SNX11: variants seen among roughly 807,000 people sequenced by gnomAD.
SNX11 encodes sorting nexin 11, also known as sorting nexin-11.
A neutral mutation model predicts 30.7 loss-of-function variants in SNX11; 19 were observed. The observed-to-expected ratio is 0.62, with a 90% CI of 0.43 to 0.91. The LOEUF (loss-of-function observed/expected upper bound fraction) is 0.91, where lower values mean the gene tolerates loss of function less well. SNX11 is among the 40% of genes least tolerant of loss of function. SNX11 has a pLI of 0.00. For synonymous variants in SNX11, 112 were observed against 119.0 expected, an observed-to-expected ratio of 0.94 and a Z score of 0.38; for missense variants, 302 against 326.7, an observed-to-expected ratio of 0.92 and a Z score of 0.58.
chr17:48,116,298 C>T (rs1290971498), intron 4 of SNX11, among the ~76,000 whole-genome samples: 1 of 152,096 alleles, frequency 6.6e-6, no homozygotes, highest in Non-Finnish European at 1.5e-5. Context: ...GCCTCAGCAG[C>T]CTCAAACGCC....
At chr17:48,111,099 A>G (rs982173920) in intron 1 of SNX11, 5 of 985,284 alleles carry the variant, frequency 5.1e-6, no homozygotes, top group Non-Finnish European at 6.0e-6. Flanking sequence ...GGACAGAAGT[A>G]CAAACCGGAT....
At chr17:48,113,663 A>C (rs2063514194) in intron 4 of SNX11, 1 of 365,008 alleles carries the variant, frequency 2.7e-6, no homozygotes, top group Admixed American at 4.3e-5. Context: ...CTCCCACCTC[A>C]GCTTCCCAAG....
At chr17:48,113,731 A>G (rs112903989) in intron 4 of SNX11, among the ~76,000 whole-genome samples, 25,347 of 151,578 alleles carry the variant, frequency 0.17, 2,177 homozygotes, top group Non-Finnish European at 0.18. Context: ...ATATTTTTGT[A>G]GAGATGGAGG....
intron 4 of SNX11, among the ~76,000 whole-genome samples, chr17:48,115,070 T>C (rs1034419065): frequency 1.6e-4 from 24 of 150,526 alleles, no homozygotes; most frequent in African/African-American, 5.1e-4. Context: ...TTTTCTTTTT[T>C]TTTTTTTTTG....
At chr17:48,120,563 G>T (rs1461625534) in intron 6 of SNX11, among the ~76,000 whole-genome samples, 1 of 134,680 alleles carries the variant, frequency 7.4e-6, no homozygotes, top group Non-Finnish European at 1.5e-5. Flanking sequence ...AGGCTGGAGT[G>T]CAGTGGCACG....
intron 1 of SNX11, among the ~76,000 whole-genome samples, chr17:48,110,126 GA>G (rs998524685): frequency 2.0e-5 from 3 of 148,800 alleles, no homozygotes; most frequent in East Asian, 3.9e-4. Context: ...AAAGAGAAGA[GA>G]AAAAAAAAAC....
chr17:48,116,250 G>A (rs555578415), intron 4 of SNX11, among the ~76,000 whole-genome samples: 4 of 152,160 alleles, frequency 2.6e-5, no homozygotes, highest in African/African-American at 9.6e-5. Context: ...GAGCGAGACT[G>A]TCTCAAAAAC....
At chr17:48,120,161 A>G (rs1416249233) in intron 6 of SNX11, among the ~76,000 whole-genome samples, 2 of 145,080 alleles carry the variant, frequency 1.4e-5, no homozygotes, top group African/African-American at 5.2e-5. Flanking sequence ...ATATGGTGCT[A>G]TATACCACAT....
In SNX11 at chr17:48,123,149, G is replaced by A. The variant is rs1211677027; in HGVS notation, c.*1641G>A. 1 of 152,196 alleles carries A rather than the reference G, an allele frequency of 6.6e-6. No individual in the cohort carries two copies. Among genetic ancestry groups the A allele is most frequent in the Non-Finnish European group, 1.5e-5 (1 of 68,042 alleles). The allele number at this position is 152,196 out of a possible 1,614,324, so 9.4% of individuals were successfully genotyped here. A position where few individuals can be genotyped will look rare whatever the true frequency, so the allele number is the denominator to read the frequency against. Reference sequence around the variant, plus strand: ...TCCTTTATATGATGCAGCAGAGCAAGGCGAGGATAGAAAACCTACAGAGGC... The same window carrying A: ...TCCTTTATATGATGCAGCAGAGCAAAGCGAGGATAGAAAACCTACAGAGGC... On this transcript the variant is annotated 3_prime_UTR_variant, in exon 7 of 7. Coordinates refer to ENST00000359238, the MANE Select transcript of SNX11 (RefSeq NM_013323.3).
intron 6 of SNX11, among the ~76,000 whole-genome samples, chr17:48,120,902 C>CT (rs1171049700): frequency 1.1e-4 from 9 of 82,740 alleles, no homozygotes; most frequent in Non-Finnish European, 2.5e-4. Flanking sequence ...CATGCCCAGC[C>CT]ATTTTTTTTT....
rs766048596 is a variant in SNX11, at chr17:48,112,067, G to A, written c.24G>A (p.Ser8=). Reference sequence around the variant, plus strand: ...CAATGGGCTTTTGGTGTAGGATGTCGGAGAACCAAGAACAGGAGGTAAGAG... The same window carrying A: ...CAATGGGCTTTTGGTGTAGGATGTCAGAGAACCAAGAACAGGAGGTAAGAG... The part of the protein sequence containing the change: MGFWCRM[S]ENQEQEEVIT... The change falls in exon 2 of 7, where the codon TCG becomes TCA. Residue 8 remains serine (S), a synonymous_variant. Coordinates refer to ENST00000359238, the MANE Select transcript of SNX11 (RefSeq NM_013323.3). 96 of 1,613,774 alleles carry A rather than the reference G, an allele frequency of 5.9e-5. 1 individual carries two copies. The South Asian group carries it at 7.8e-4, about 13-fold the overall frequency.
In SNX11 at chr17:48,116,820, C is replaced by T. The variant is rs2063550034; in HGVS notation, c.231-1884C>T. Among the ~76,000 whole-genome samples, 2 of 151,218 alleles carry T rather than the reference C, an allele frequency of 1.3e-5. 1 individual carries two copies. Among genetic ancestry groups the T allele is most frequent in the South Asian group, 4.2e-4 (2 of 4,784 alleles). ...TGACCTCATGATCTACGTGCCTTGT[C>T]CTCCCAAAGTGCTGCTATTACAGGT... On this transcript the variant is annotated intron_variant, in intron 4 of 6. Transcript: ENST00000359238.
chr17:48,113,502 C>A, intron 4 of SNX11, 101 bp downstream of exon 4: 1 of 759,400 alleles, frequency 1.3e-6, no homozygotes, highest in Non-Finnish European at 2.3e-6. Flanking sequence ...ACATACCAGG[C>A]ACTAAGGAAA....
intron 1 of SNX11, among the ~76,000 whole-genome samples, chr17:48,110,220 G>A (rs1464089311): frequency 6.6e-6 from 1 of 152,156 alleles, no homozygotes; most frequent in Admixed American, 6.5e-5. Context: ...TGTTATATAT[G>A]GGTTGTTATG....
rs973880334 is a variant in SNX11 at position 48,123,281 on chromosome 17, T to C, written c.*1773T>C. ...AAGCTAATGGCATCCGCTCTGCCGA[T>C]TGGTGGGGATGGCTCATGAATATTA... On this transcript the variant is annotated 3_prime_UTR_variant, in exon 7 of 7. Transcript: ENST00000359238. Among the ~76,000 whole-genome samples, 17 of 152,124 alleles carry C rather than the reference T, an allele frequency of 1.1e-4. No homozygotes were observed. The highest frequency in any genetic ancestry group is 4.1e-4 in the African/African-American group (17 of 41,430).
intron 4 of SNX11, among the ~76,000 whole-genome samples, chr17:48,116,316 A>G (rs2063545661): frequency 6.6e-6 from 1 of 152,202 alleles, no homozygotes. Flanking sequence ...GCCTGGGGTC[A>G]AGGGATTCTC....
At position 48,121,254 on chromosome 17, in the gene SNX11, T is replaced by C; in HGVS notation, c.559T>C (p.Ser187Pro). 6.2e-7 allele frequency: 1 copy of C among 1,614,136 alleles called. No homozygotes were observed. The highest frequency in any genetic ancestry group is 8.5e-7 in the Non-Finnish European group (1 of 1,180,008). The change falls in exon 7 of 7, where the codon TCG becomes CCG. Residue 187 changes from serine (S) to proline (P), a missense_variant. By Grantham distance (74) the Ser-to-Pro change is moderately conservative. Transcript: ENST00000359238. ...TTCCAGTTGCTGCTTTCTTCCAAGA[T>C]CGGGTAGGAGGAGCTCTCCCTCACC... ...QPKSCCFLPRSGRRSSPSPPP... is the reference protein window; with the variant it reads ...QPKSCCFLPRPGRRSSPSPPP...
intron 6 of SNX11, among the ~76,000 whole-genome samples, chr17:48,120,507 CTT>C (rs71141968): frequency 2.9e-5 from 2 of 69,534 alleles, no homozygotes; most frequent in Non-Finnish European, 4.9e-5. Flanking sequence ...CGCACCTGGC[CTT>C]TTTTTTTTTT....
At chr17:48,116,082 A>AC (rs1207980899) in intron 4 of SNX11, among the ~76,000 whole-genome samples, 1 of 151,468 alleles carries the variant, frequency 6.6e-6, no homozygotes, top group African/African-American at 2.4e-5. Flanking sequence ...AGATGGTGAA[A>AC]CCCCATCTCT....
Sources: gnomAD v4.1 joint callset for allele counts (sites outside exome capture counted in the v4.1 genomes callset) on GRCh38, gnomAD v4.1.1 for gene constraint, MANE v1.5 for transcripts, NCBI Gene and HGNC (gene_info 2026-07-23, HGNC 2026-07-21) for gene names.